Variants in ZNF266 observed in about 807,000 individuals in gnomAD.
ZNF266 encodes zinc finger protein 1.
A neutral mutation model predicts 16.4 loss-of-function variants in ZNF266; 16 were observed. The observed-to-expected ratio is 0.98, with a 90% CI of 0.66 to 1.48. The LOEUF (loss-of-function observed/expected upper bound fraction) is 1.48. Ranked by LOEUF, ZNF266 falls within the 40% of genes most tolerant of loss-of-function variation. ZNF266 has a pLI of 0.00. For synonymous variants in ZNF266, 262 were observed against 237.9 expected, an observed-to-expected ratio of 1.10 and a Z score of -0.93; for missense variants, 738 against 689.1, an observed-to-expected ratio of 1.07 and a Z score of -0.79.
intron 5 of ZNF266, among the ~76,000 whole-genome samples, chr19:9,431,597 T>C (rs1477325563): frequency 6.6e-6 from 1 of 152,158 alleles, no homozygotes; most frequent in Non-Finnish European, 1.5e-5. Flanking sequence ...TCACAGCACT[T>C]CCAGGGCAGA....
At position 9,418,508 on chromosome 19, in the gene ZNF266, C is replaced by A; in HGVS notation, c.232G>T (p.Val78Leu). 6.2e-7 allele frequency: 1 copy of A among 1,614,232 alleles called. No individual in the cohort carries two copies. Among genetic ancestry groups the A allele is most frequent in the African/African-American group, 1.3e-5 (1 of 75,068 alleles). ...MLENYKNLAT[V>L]GYQLFKPSLI... ...CAAGGGATGAGGCCAGTCTTACCTA[C>A]TGTGGCCAAATTCTTGTAGTTCTCC... The change falls in exon 8 of 11, where the codon GTA becomes TTA. Residue 78 changes from valine (V) to leucine (L), a missense_variant. Val to Leu is a conservative substitution (Grantham distance 32, BLOSUM62 1). Transcript: ENST00000592904.
At chr19:9,428,072 C>T (rs1452462299) in intron 5 of ZNF266, among the ~76,000 whole-genome samples, 1 of 152,286 alleles carries the variant, frequency 6.6e-6, no homozygotes, top group East Asian at 1.9e-4. Context: ...AGACCACTTA[C>T]GATGGTCATT....
chr19:9,428,889 C>A (rs1281494639), intron 5 of ZNF266, among the ~76,000 whole-genome samples: 2 of 133,472 alleles, frequency 1.5e-5, no homozygotes, highest in East Asian at 4.2e-4. Flanking sequence ...TATTTCACTT[C>A]TTTTTTGTCA....
Position 9,413,259 on chromosome 19 carries a change from G to C in ZNF266, c.*16C>G. On this transcript the variant is annotated 3_prime_UTR_variant, in exon 11 of 11. Transcript: ENST00000592904. ...TTCAGAGAGAACAGGGACACCTTTAGGTTTTCCCACATTCCTTATGCTGAC... is the reference window on the plus strand; with the variant it reads ...TTCAGAGAGAACAGGGACACCTTTACGTTTTCCCACATTCCTTATGCTGAC... 1 of 1,555,566 alleles carries C rather than the reference G, an allele frequency of 6.4e-7. No individual in the cohort carries two copies. The highest frequency in any genetic ancestry group is 8.7e-7 in the Non-Finnish European group (1 of 1,152,710).
chr19:9,417,302 G>C, intron 9 of ZNF266, among the ~76,000 whole-genome samples: 1 of 152,224 alleles, frequency 6.6e-6, no homozygotes, highest in African/African-American at 2.4e-5. Flanking sequence ...AACCCGGGAG[G>C]CTGAAGTTGC....
At chr19:9,427,858 T>A (rs1368233504) in intron 5 of ZNF266, among the ~76,000 whole-genome samples, 1 of 152,118 alleles carries the variant, frequency 6.6e-6, no homozygotes, top group Non-Finnish European at 1.5e-5. Flanking sequence ...TAAGGGGAAG[T>A]AATTCCAGTA....
In ZNF266 at chr19:9,425,489, G is replaced by A. The variant is rs775470935; in HGVS notation, c.-129-5271C>T. Among the ~76,000 whole-genome samples the A allele has an allele frequency of 1.8e-4, 27 of 152,212 alleles. 1 individual carries two copies. Among genetic ancestry groups the A allele is most frequent in the Non-Finnish European group, 3.5e-4 (24 of 68,048 alleles). ...TCTCCAGAGAGAGAGAGACCCCCTA[G>A]ACCAAAACAGAGGAAAATATATTCA... On this transcript the variant is annotated intron_variant, in intron 5 of 10. Transcript: ENST00000592904.
chr19:9,425,983 A>G (rs779184661), intron 5 of ZNF266, among the ~76,000 whole-genome samples: 2 of 152,130 alleles, frequency 1.3e-5, no homozygotes, highest in Non-Finnish European at 2.9e-5. Flanking sequence ...CTGACTGCCC[A>G]CTGTATGGAT....
At chr19:9,431,560 T>C (rs1404511906) in intron 5 of ZNF266, among the ~76,000 whole-genome samples, 1 of 152,218 alleles carries the variant, frequency 6.6e-6, no homozygotes, top group Non-Finnish European at 1.5e-5. Context: ...TCACCATCAG[T>C]GTGAGTGTGC....
At chr19:9,415,858 C>T in intron 9 of ZNF266, 116 bp from the exon 10 acceptor site, 1 of 796,608 alleles carries the variant, frequency 1.3e-6, no homozygotes, top group South Asian at 1.5e-5. Context: ...GTGTCTCACT[C>T]TGTTGCCCAG....
intron 10 of ZNF266, 91 bp downstream of exon 10, chr19:9,415,563 C>A (rs912341662): frequency 4.8e-5 from 54 of 1,116,218 alleles, no homozygotes; most frequent in Non-Finnish European, 6.9e-5. Context: ...CAGGTGTGAG[C>A]CACCATTCCC....
At position 9,431,981 on chromosome 19, in the gene ZNF266, G is replaced by T. The variant is rs141712328; in HGVS notation, c.-130+1687C>A. Among the ~76,000 whole-genome samples, 63 of 152,264 alleles carry T rather than the reference G, an allele frequency of 4.1e-4. 1 individual carries two copies. In the East Asian group the frequency reaches 0.012, roughly 29 times the overall value. ...TTGTTTTGTTTTGTTTTTAGACAGGGTCTCACTCTGGTTGCCCAGGATGGA... is the reference window on the plus strand; with the variant it reads ...TTGTTTTGTTTTGTTTTTAGACAGGTTCTCACTCTGGTTGCCCAGGATGGA... On this transcript the variant is annotated intron_variant, in intron 5 of 10. Transcript: ENST00000592904.
At chr19:9,434,269 TC>T (rs2072098768) in intron 3 of ZNF266, 34 bp from the exon 4 acceptor site, 2 of 152,218 alleles carry the variant, frequency 1.3e-5, no homozygotes, top group East Asian at 1.9e-4. Flanking sequence ...AATAATTCTG[TC>T]CTCTACTTTA....
At chr19:9,416,057 C>T (rs1189465677) in intron 9 of ZNF266, among the ~76,000 whole-genome samples, 2 of 151,970 alleles carry the variant, frequency 1.3e-5, no homozygotes, top group Non-Finnish European at 2.9e-5. Flanking sequence ...CTCCTGACCT[C>T]GTGATCCACA....
intron 5 of ZNF266, among the ~76,000 whole-genome samples, chr19:9,429,438 T>C (rs1452771009): frequency 2.0e-5 from 3 of 152,078 alleles, no homozygotes; most frequent in African/African-American, 7.2e-5. Flanking sequence ...TTCGTCTTAC[T>C]AGATGCTTTG....
chr19:9,418,847 C>T (rs1568409580), intron 7 of ZNF266: 1 of 412,972 alleles, frequency 2.4e-6, no homozygotes. Flanking sequence ...GGGAGGTCAT[C>T]TGATTTCCCT....
rs1470343827 is a variant in ZNF266, at chr19:9,414,106, A to G, written c.1020T>C (p.Cys340=). 4 of 1,614,062 alleles carry G rather than the reference A, an allele frequency of 2.5e-6. No homozygotes were observed. The East Asian group carries it at 6.7e-5, about 27-fold the overall frequency. ...AAGAGGAAACAGTGAAGGCTCTCCC[A>G]CAATCCTTACATTTATAAGGTTTCT... ...TGEKPYKCKD[C]GRAFTVSSCL... Residue 340 remains cysteine (C), a synonymous_variant, in exon 11 of 11, where the codon TGT becomes TGC. Coordinates refer to ENST00000592904, the MANE Select transcript of ZNF266 (RefSeq NM_001370374.1).
intron 9 of ZNF266, 79 bp from the exon 10 acceptor site, chr19:9,415,821 T>C (rs2068892176): frequency 3.2e-6 from 4 of 1,256,696 alleles, no homozygotes; most frequent in African/African-American, 3.0e-5. Context: ...GGATCATTTG[T>C]ACTTGTTTTC....
At chr19:9,416,275 TGG>T (rs1414759763) in intron 9 of ZNF266, among the ~76,000 whole-genome samples, 4 of 151,836 alleles carry the variant, frequency 2.6e-5, no homozygotes, top group African/African-American at 9.7e-5. Context: ...TATAAACTGA[TGG>T]TGAACACAAA....
Sources: allele counts gnomAD v4.1 joint callset (sites outside exome capture counted in the v4.1 genomes callset), GRCh38; gene constraint gnomAD v4.1.1; transcripts MANE v1.5; gene names NCBI Gene and HGNC (gene_info 2026-07-23, HGNC 2026-07-21).